Variants in CD109 observed in about 807,000 individuals in gnomAD.
CD109 encodes the protein CD109 molecule, also known as CD109 antigen.
In CD109, 149 loss-of-function variants were observed where a neutral mutation model predicts 165.8. The ratio of observed to expected loss-of-function variants is 0.90; its 90% CI spans 0.79 to 1.03. CD109 has a LOEUF of 1.03. CD109 is among the 50% of genes least tolerant of loss of function. The pLI is 0.00. For missense variants in CD109, 1,712 were observed against 1,677.8 expected, an observed-to-expected ratio of 1.02 and a Z score of -0.36; for synonymous variants, 585 against 592.1, an observed-to-expected ratio of 0.99 and a Z score of 0.18.
chr6:73,692,179 G>A (rs1770702767), upstream of CD109, among the ~76,000 whole-genome samples: 1 of 152,070 alleles, frequency 6.6e-6, no homozygotes, highest in African/African-American at 2.4e-5. Context: ...TTGGGGATTT[G>A]ACATAAGATC....
intron 2 of CD109, among the ~76,000 whole-genome samples, chr6:73,705,486 A>G (rs982252195): frequency 6.6e-6 from 1 of 152,088 alleles, no homozygotes; most frequent in South Asian, 2.1e-4. Context: ...CTAAAAATAA[A>G]AAAAAGGTAG....
At chr6:73,708,461 G>C (rs148893180) in intron 2 of CD109, among the ~76,000 whole-genome samples, 1 of 152,128 alleles carries the variant, frequency 6.6e-6, no homozygotes, top group African/African-American at 2.4e-5. Flanking sequence ...ATAAACATAC[G>C]TGTGCATGTG....
chr6:73,685,763 A>G, the CD109 span, among the ~76,000 whole-genome samples: 1 of 152,114 alleles, frequency 6.6e-6, no homozygotes, highest in East Asian at 1.9e-4. Flanking sequence ...GCATCCTCAT[A>G]GCTTAGCTTT....
Position 73,766,988 on chromosome 6 carries a change from G to A in CD109, c.1475G>A (p.Arg492Gln), listed in dbSNP as rs893667110. Residue 492 changes from arginine (R) to glutamine (Q), a missense_variant, in exon 13 of 33, where the codon CGA becomes CAA. Physicochemically the swap from Arg to Gln is conservative, Grantham distance 43. Transcript: ENST00000287097. ...GAGTTGGTGGTTAGTGGCAACAAACGATTGAAGGAGTTAAGCTATATGGTA... is the reference window on the plus strand; with the variant it reads ...GAGTTGGTGGTTAGTGGCAACAAACAATTGAAGGAGTTAAGCTATATGGTA... ...PFELVVSGNK[R>Q]LKELSYMVVS... is the part of the protein sequence containing the mutation. 6.2e-6 allele frequency: 10 copies of A among 1,613,272 alleles called. No individual in the cohort carries two copies. The highest frequency in any genetic ancestry group is 6.8e-6 in the Non-Finnish European group (8 of 1,179,636).
intron 2 of CD109, among the ~76,000 whole-genome samples, chr6:73,707,993 T>C (rs897962845): frequency 1.4e-5 from 1 of 73,804 alleles, no homozygotes; most frequent in Non-Finnish European, 2.9e-5. Context: ...TATATATATA[T>C]ATATATATAT....
intron 6 of CD109, among the ~76,000 whole-genome samples, chr6:73,757,789 A>G (rs1773450566): frequency 2.0e-5 from 3 of 152,384 alleles, no homozygotes; most frequent in Admixed American, 6.5e-5. Context: ...AATTAATTTC[A>G]CCTGCTTATT....
intron 2 of CD109, among the ~76,000 whole-genome samples, chr6:73,711,444 T>C (rs894116208): frequency 6.6e-6 from 1 of 152,226 alleles, no homozygotes; most frequent in East Asian, 1.9e-4. Context: ...GTGTTTTCTG[T>C]GTAGACTGAA....
chr6:73,728,536 T>C (rs1258804642), intron 3 of CD109, among the ~76,000 whole-genome samples: 6 of 152,234 alleles, frequency 3.9e-5, no homozygotes, highest in Non-Finnish European at 7.3e-5. Flanking sequence ...CATCTATCCA[T>C]CTACCCATCT....
At chr6:73,701,742 A>G (rs1311727263) in intron 2 of CD109, among the ~76,000 whole-genome samples, 1 of 152,170 alleles carries the variant, frequency 6.6e-6, no homozygotes, top group African/African-American at 2.4e-5. Context: ...TTTCTCCCTC[A>G]TTAATGAATT....
At chr6:73,787,553 G>A (rs1327363497) in intron 21 of CD109, 101 bp downstream of exon 21, 2 of 812,064 alleles carry the variant, frequency 2.5e-6, no homozygotes, top group Non-Finnish European at 3.9e-6. Flanking sequence ...TATCTAGTAG[G>A]TCATCTTCTT....
At chr6:73,688,664 G>C in the CD109 span, among the ~76,000 whole-genome samples, 1 of 151,876 alleles carries the variant, frequency 6.6e-6, no homozygotes, top group African/African-American at 2.4e-5. Flanking sequence ...ATCCTCTGGA[G>C]AGGGGAGAAG....
chr6:73,779,943 G>A (rs970985174), intron 15 of CD109, among the ~76,000 whole-genome samples: 15 of 150,468 alleles, frequency 1.0e-4, no homozygotes, highest in Admixed American at 7.3e-4. Flanking sequence ...GCATTGCTTT[G>A]ATTATCAGTG....
intron 2 of CD109, among the ~76,000 whole-genome samples, chr6:73,699,302 C>T (rs1770970484): frequency 6.6e-6 from 1 of 152,054 alleles, no homozygotes. Flanking sequence ...CACTAAAGCC[C>T]TATGACAGGC....
Position 73,785,393 on chromosome 6 carries a change from T to A in CD109, c.2253T>A (p.Phe751Leu). 1 of 1,607,610 alleles carries A rather than the reference T, an allele frequency of 6.2e-7. No individual in the cohort carries two copies. The highest frequency in any genetic ancestry group is 8.5e-7 in the Non-Finnish European group (1 of 1,176,696). ...ELQAFQPFFI[F>L]LNLPYSVIRG... ...AAGCCTTCCAACCATTTTTCATTTT[T>A]TTGAATCTTCCCTACTCTGTTATCA... The change falls in exon 20 of 33, where the codon TTT becomes TTA. Residue 751 changes from phenylalanine to leucine, a missense_variant. Coordinates refer to ENST00000287097, the MANE Select transcript of CD109 (RefSeq NM_133493.5).
rs184073331 is a variant in CD109, at chr6:73,708,106, G to A, written c.247+10534G>A. On this transcript the variant is annotated intron_variant, in intron 2 of 32. Transcript: ENST00000287097. Reference sequence around the variant, plus strand: ...GTTGGTGTGCTGCACCCATTAACGCGTCACTTACATTAGGTGTATCTCCTA... The same window carrying A: ...GTTGGTGTGCTGCACCCATTAACGCATCACTTACATTAGGTGTATCTCCTA... Among the ~76,000 whole-genome samples the A allele has an allele frequency of 4.8e-3, 731 of 151,458 alleles. 5 individuals carry two copies. Among genetic ancestry groups the A allele is most frequent in the African/African-American group, 0.016 (670 of 41,170 alleles).
In CD109 at chr6:73,696,232, T is replaced by A. The variant is rs542036029; in HGVS notation, c.17T>A (p.Leu6His). 1.9e-6 allele frequency: 3 copies of A among 1,544,830 alleles called. No individual in the cohort carries two copies. Among genetic ancestry groups the A allele is most frequent in the African/African-American group, 2.7e-5 (2 of 72,772 alleles). MQGPPLLTAAHLLCVC... is the reference protein window; with the variant it reads MQGPPHLTAAHLLCVC... The stretch of plus-strand genomic sequence containing the variant: ...GCCGTCGAGATGCAGGGCCCACCGC[T>A]CCTGACCGCCGCCCACCTCCTCTGC... The change falls in exon 1 of 33, where the codon CTC becomes CAC. Residue 6 changes from leucine (L) to histidine (H), a missense_variant. Leu to His is a moderately conservative substitution (Grantham distance 99). Transcript: ENST00000287097.
intron 31 of CD109, among the ~76,000 whole-genome samples, chr6:73,820,181 C>G (rs1379000849): frequency 1.3e-5 from 2 of 152,164 alleles, no homozygotes; most frequent in Non-Finnish European, 1.5e-5. Flanking sequence ...GACAGGAGAT[C>G]TAGGTGCATG....
At position 73,783,732 on chromosome 6, in the gene CD109, G is replaced by A; in HGVS notation, c.2131G>A (p.Val711Ile). 2.5e-6 allele frequency: 4 copies of A among 1,610,480 alleles called. No homozygotes were observed. The highest frequency in any genetic ancestry group is 2.5e-6 in the Non-Finnish European group (3 of 1,176,992). Residue 711 changes from valine (V) to isoleucine (I), a missense_variant, in exon 19 of 33, where the codon GTA (valine) becomes ATA (isoleucine). Coordinates refer to ENST00000287097, the MANE Select transcript of CD109 (RefSeq NM_133493.5). ...MGYRIYQEFE[V>I]TVPDSITSWV... ...TTACAGGATTTACCAAGAATTTGAA[G>A]TAACTGTACCTGATTCTATCACTTC...
At position 73,820,570 on chromosome 6, in the gene CD109, A is replaced by G; in HGVS notation, c.4162+7A>G. 1 of 1,504,678 alleles carries G rather than the reference A, an allele frequency of 6.6e-7. No individual in the cohort carries two copies. The allele number at this position is 1,504,678 out of a possible 1,614,324, so 93.2% of individuals were successfully genotyped here. A position where few individuals can be genotyped will look rare whatever the true frequency, so the allele number is the denominator to read the frequency against. On this transcript the variant is annotated splice_region_variant and intron_variant, in intron 32 of 32. Coordinates refer to ENST00000287097, the MANE Select transcript of CD109 (RefSeq NM_133493.5). ...GTGGATTACTATGAGCCAAGTAAGT[A>G]TGCTCTGGAGTTCTTAATACTTTAG...
Sources: allele counts gnomAD v4.1 joint callset (sites outside exome capture counted in the v4.1 genomes callset), GRCh38; gene constraint gnomAD v4.1.1; transcripts MANE v1.5; gene names NCBI Gene and HGNC (gene_info 2026-07-23, HGNC 2026-07-21).